The following ATP9B variants were observed in gnomAD, a reference collection of about 807,000 sequenced individuals.
ATP9B encodes the protein ATPase phospholipid transporting 9B.
In ATP9B, 110 loss-of-function variants were observed where a neutral mutation model predicts 146.1. The observed-to-expected ratio is 0.75, with a 90% CI of 0.65 to 0.88. The LOEUF is 0.88. ATP9B is among the 40% of genes least tolerant of loss of function. The probability of loss-of-function intolerance (pLI) is 0.00; values close to 1 mark genes in which losing one functional copy is unlikely to be tolerated. For missense variants in ATP9B, 1,499 were observed against 1,496.4 expected (o/e 1.00, Z -0.03); for synonymous variants, 604 against 569.7 (o/e 1.06, Z -0.86).
At chr18:79,199,289 A>T (rs1274443363) in intron 9 of ATP9B, among the ~76,000 whole-genome samples, 1 of 152,170 alleles carries the variant, frequency 6.6e-6, no homozygotes, top group Non-Finnish European at 1.5e-5. Context: ...AATTACACAA[A>T]GTAATTTGTG....
At chr18:79,208,193 C>T (rs1025716149) in intron 10 of ATP9B, among the ~76,000 whole-genome samples, 1 of 152,168 alleles carries the variant, frequency 6.6e-6, no homozygotes, top group African/African-American at 2.4e-5. Context: ...TGCAGTGAAC[C>T]GAGATCGCGC....
intron 4 of ATP9B, chr18:79,117,648 C>T (rs984246092): frequency 2.6e-5 from 4 of 152,156 alleles, no homozygotes; most frequent in African/African-American, 9.7e-5. Context: ...TCTCAGATTT[C>T]ATCCTGGGTG....
At chr18:79,230,572 A>T (rs1056212261) in intron 11 of ATP9B, among the ~76,000 whole-genome samples, 1 of 152,236 alleles carries the variant, frequency 6.6e-6, no homozygotes, top group South Asian at 2.1e-4. Context: ...GAAATCATAG[A>T]TGACACAGAC....
chr18:79,299,404 G>A (rs1184249225), intron 13 of ATP9B, among the ~76,000 whole-genome samples: 2 of 152,110 alleles, frequency 1.3e-5, no homozygotes, highest in Non-Finnish European at 2.9e-5. Flanking sequence ...CCTCTTCCTG[G>A]AGCGCTTCTC....
At chr18:79,199,006 C>T (rs976935260) in intron 9 of ATP9B, among the ~76,000 whole-genome samples, 1 of 151,954 alleles carries the variant, frequency 6.6e-6, no homozygotes, top group African/African-American at 2.4e-5. Flanking sequence ...GGATGGAGTG[C>T]AGTGGCGCAA....
At chr18:79,327,289 T>C (rs2096752859) in intron 15 of ATP9B, among the ~76,000 whole-genome samples, 1 of 152,116 alleles carries the variant, frequency 6.6e-6, no homozygotes, top group African/African-American at 2.4e-5. Context: ...GAGGTTGTGG[T>C]TTAAGAAGAG....
rs138129233 is a variant in ATP9B, at chr18:79,284,086, T to C, written c.1411+6890T>C. Among the ~76,000 whole-genome samples, 1,021 of 152,306 alleles carry C rather than the reference T, an allele frequency of 6.7e-3. 9 individuals carry two copies. Among genetic ancestry groups the C allele is most frequent in the Non-Finnish European group, 0.011 (731 of 68,026 alleles). On this transcript the variant is annotated intron_variant, in intron 13 of 29. Transcript: ENST00000426216. ...ATGTTGTTCAGAATTGAATCACATA[T>C]AAGTTTCACAAGATGGCATCATCAT... is the stretch of plus-strand genomic sequence containing the variant.
chr18:79,215,335 A>C (rs1159078429), intron 11 of ATP9B, among the ~76,000 whole-genome samples: 1 of 152,156 alleles, frequency 6.6e-6, no homozygotes, highest in Non-Finnish European at 1.5e-5. Context: ...TCACTGGGGC[A>C]TGCCTTGAGA....
At chr18:79,339,479 CATG>C (rs1370623700) in intron 19 of ATP9B, among the ~76,000 whole-genome samples, 2 of 151,314 alleles carry the variant, frequency 1.3e-5, no homozygotes, top group African/African-American at 4.9e-5. Context: ...GGAAGTGTGT[CATG>C]ATCACAGTAG....
chr18:79,221,272 G>A (rs537728349), intron 11 of ATP9B, among the ~76,000 whole-genome samples: 101 of 152,194 alleles, frequency 6.6e-4, no homozygotes, highest in African/African-American at 2.4e-3. Context: ...CCCCACCAGA[G>A]GCTTCATGTC....
intron 11 of ATP9B, among the ~76,000 whole-genome samples, chr18:79,247,330 C>T (rs1046374867): frequency 1.3e-5 from 2 of 152,084 alleles, no homozygotes; most frequent in African/African-American, 2.4e-5. Context: ...TACATGTGTT[C>T]AGAGATGATG....
At chr18:79,317,732 C>T (rs2096689405) in intron 15 of ATP9B, among the ~76,000 whole-genome samples, 1 of 152,148 alleles carries the variant, frequency 6.6e-6, no homozygotes, top group Non-Finnish European at 1.5e-5. Context: ...GGGATGACTG[C>T]CAAAGAGCAG....
chr18:79,328,421 A>G (rs1329014766), intron 15 of ATP9B, among the ~76,000 whole-genome samples: 1 of 152,264 alleles, frequency 6.6e-6, no homozygotes, highest in African/African-American at 2.4e-5. Flanking sequence ...AATAATTATC[A>G]ATAAGAATAC....
Position 79,104,045 on chromosome 18 carries a change from G to C in ATP9B, c.294-6310G>C, listed in dbSNP as rs1044778182. On this transcript the variant is annotated intron_variant, in intron 2 of 29. Coordinates refer to ENST00000426216, the MANE Select transcript of ATP9B (RefSeq NM_198531.5). ...AAGAGCCAGCCCAGAAATTGAACCAGGTCCTGACCTGGTGACCTAAAGCCC... is the reference window on the plus strand; with the variant it reads ...AAGAGCCAGCCCAGAAATTGAACCACGTCCTGACCTGGTGACCTAAAGCCC... 4.6e-5 allele frequency among the ~76,000 whole-genome samples: 7 copies of C among 152,266 alleles called. 1 individual carries two copies. Among genetic ancestry groups the C allele is most frequent in the Non-Finnish European group, 5.9e-5 (4 of 68,020 alleles).
At chr18:79,078,656 T>G (rs1043455680) in intron 1 of ATP9B, among the ~76,000 whole-genome samples, 1 of 150,280 alleles carries the variant, frequency 6.7e-6, no homozygotes, top group Non-Finnish European at 1.5e-5. Context: ...TTAAAGTGTA[T>G]AGTTCAGTTT....
rs1431365264 is a variant in ATP9B at position 79,246,775 on chromosome 18, C to T, written c.1108-6606C>T. ...CAGCCGCCTATGGGAGGTGTGAGTA[C>T]GACTCTGAGACAGATGACTCTGAGA... is the stretch of plus-strand genomic sequence containing the variant. On this transcript the variant is annotated intron_variant, in intron 11 of 29. Coordinates refer to ENST00000426216, the MANE Select transcript of ATP9B (RefSeq NM_198531.5). Among the ~76,000 whole-genome samples the T allele has an allele frequency of 4.6e-5, 7 of 152,160 alleles. No homozygotes were observed. In the East Asian group the frequency reaches 5.8e-4, roughly 13 times the overall value.
intron 13 of ATP9B, among the ~76,000 whole-genome samples, chr18:79,297,344 G>A: frequency 6.9e-6 from 1 of 144,538 alleles, no homozygotes; most frequent in African/African-American, 2.6e-5. Context: ...AGACAGAGAT[G>A]ACCCAGCCAG....
chr18:79,329,888 C>A, intron 16 of ATP9B, 124 bp from the exon 17 acceptor site: 2 of 841,406 alleles, frequency 2.4e-6, no homozygotes, highest in South Asian at 1.6e-5. Context: ...GTGTGAGGAG[C>A]TTAACACACA....
chr18:79,082,408 A>G (rs1462249074), intron 1 of ATP9B, among the ~76,000 whole-genome samples: 1 of 152,120 alleles, frequency 6.6e-6, no homozygotes, highest in Non-Finnish European at 1.5e-5. Context: ...ACTTTTGTCA[A>G]TTTGTCAAAC....
Sources: allele counts gnomAD v4.1 joint callset (sites outside exome capture counted in the v4.1 genomes callset), GRCh38; gene constraint gnomAD v4.1.1; transcripts MANE v1.5; gene names NCBI Gene and HGNC (gene_info 2026-07-23, HGNC 2026-07-21).